The following BEND7 variants were observed in gnomAD, a reference collection of about 807,000 sequenced individuals.
BEND7 encodes the protein BEN domain containing 7.
Under a neutral mutation model 50.9 loss-of-function variants are expected in BEND7, and 28 were observed. The observed-to-expected ratio is 0.55, with a 90% CI of 0.41 to 0.75. BEND7 has a LOEUF of 0.75. BEND7 is among the 30% of genes least tolerant of loss of function. The pLI is 0.00. For missense variants in BEND7, 477 were observed against 491.3 expected (o/e 0.97, Z 0.28); for synonymous variants, 170 against 183.9 (o/e 0.92, Z 0.61).
chr10:13,453,686 A>C (rs1838302780), intron 6 of BEND7, among the ~76,000 whole-genome samples: 1 of 152,162 alleles, frequency 6.6e-6, no homozygotes, highest in Admixed American at 6.5e-5. Flanking sequence ...ATATTAGGAA[A>C]AATGTTCCAT....
chr10:13,514,397 G>A (rs73572311), intron 2 of BEND7, among the ~76,000 whole-genome samples: 3,663 of 152,300 alleles, frequency 0.024, 144 homozygotes, highest in African/African-American at 0.082. Flanking sequence ...GTGCAGCGGG[G>A]TGGCAAGCAG....
intron 5 of BEND7, among the ~76,000 whole-genome samples, chr10:13,489,643 T>A (rs1355415372): frequency 6.6e-6 from 1 of 152,150 alleles, no homozygotes; most frequent in Non-Finnish European, 1.5e-5. Flanking sequence ...TGTTTGTATA[T>A]TTACAAACTA....
At chr10:13,500,171 T>C in intron 2 of BEND7, 91 bp from the exon 3 acceptor site, 1 of 1,098,942 alleles carries the variant, frequency 9.1e-7, no homozygotes, top group Admixed American at 2.4e-5. Flanking sequence ...AAACAACCCT[T>C]CTTTGGAAAT....
chr10:13,519,168 A>T (rs533083368), intron 2 of BEND7, among the ~76,000 whole-genome samples: 1 of 151,640 alleles, frequency 6.6e-6, no homozygotes, highest in Admixed American at 6.6e-5. Context: ...TGCCCAAGTG[A>T]TCGGAAGAAT....
In BEND7 at chr10:13,441,717, CAA is replaced by C; in HGVS notation, c.*24_*25del. On this transcript the variant is annotated 3_prime_UTR_variant, in exon 9 of 9. Transcript: ENST00000466271. The stretch of plus-strand genomic sequence containing the variant: ...TTTAAAACCCATGGTGCAAAAAACA[CAA>C]GAGCTGTGGTTTGCAGTCCTTCATC... The C allele has an allele frequency of 6.2e-7, 1 of 1,613,692 alleles. No individual in the cohort carries two copies. The highest frequency in any genetic ancestry group is 8.5e-7 in the Non-Finnish European group (1 of 1,179,802).
intron 8 of BEND7, chr10:13,443,746 T>A (rs752945550): frequency 1.3e-5 from 2 of 152,142 alleles, no homozygotes; most frequent in African/African-American, 2.4e-5. Context: ...ATAATGCATA[T>A]GAAGATTTGC....
chr10:13,464,766 A>G (rs945346393), intron 6 of BEND7, among the ~76,000 whole-genome samples: 1 of 152,220 alleles, frequency 6.6e-6, no homozygotes, highest in Non-Finnish European at 1.5e-5. Context: ...CAGTCTGTGA[A>G]CAAATCAGAA....
chr10:13,520,565 A>G (rs1377932881), intron 2 of BEND7, among the ~76,000 whole-genome samples: 1 of 152,188 alleles, frequency 6.6e-6, no homozygotes, highest in Non-Finnish European at 1.5e-5. Flanking sequence ...TACTGAGATC[A>G]GCCCACGTGG....
chr10:13,468,760 G>A lies in BEND7; in HGVS notation c.1063+12139C>T, dbSNP rs143568752. Among the ~76,000 whole-genome samples the A allele has an allele frequency of 5.7e-4, 87 of 152,348 alleles. 2 individuals are homozygous for A. In the South Asian group the frequency reaches 0.01, roughly 18 times the overall value. ...AAGGAGTTGATAGGGCCAGGTAATT[G>A]AGCAGGGTGAGTTGCAAAGAAAAAA... is the stretch of plus-strand genomic sequence containing the variant. On this transcript the variant is annotated intron_variant, in intron 6 of 8. Coordinates refer to ENST00000466271, the MANE Select transcript of BEND7 (RefSeq NM_001369863.1).
intron 7 of BEND7, among the ~76,000 whole-genome samples, chr10:13,447,806 T>C (rs375296780): frequency 9.2e-5 from 14 of 152,342 alleles, no homozygotes; most frequent in African/African-American, 3.1e-4. Context: ...TAAAATCTTA[T>C]GAACCTCATT....
At chr10:13,489,410 G>C (rs946339277) in intron 5 of BEND7, among the ~76,000 whole-genome samples, 1 of 152,080 alleles carries the variant, frequency 6.6e-6, no homozygotes. Context: ...ATGGGCACCC[G>C]CAAGTCCTTT....
chr10:13,502,200 T>A (rs1324449622), intron 2 of BEND7, among the ~76,000 whole-genome samples: 1 of 152,184 alleles, frequency 6.6e-6, no homozygotes, highest in Admixed American at 6.5e-5. Flanking sequence ...ATGTGTTATG[T>A]TACTAAATAA....
chr10:13,494,843 A>G (rs2076923006), intron 4 of BEND7, among the ~76,000 whole-genome samples: 1 of 152,262 alleles, frequency 6.6e-6, no homozygotes, highest in African/African-American at 2.4e-5. Flanking sequence ...GAAACTTTCT[A>G]AATGTAATTT....
intron 6 of BEND7, among the ~76,000 whole-genome samples, chr10:13,453,062 G>A (rs566964686): frequency 1.7e-4 from 26 of 152,318 alleles, no homozygotes; most frequent in Non-Finnish European, 3.2e-4. Flanking sequence ...AAATTAACAC[G>A]AAAAGATGGT....
intron 4 of BEND7, among the ~76,000 whole-genome samples, chr10:13,494,669 G>A (rs2076913210): frequency 6.6e-6 from 1 of 152,206 alleles, no homozygotes; most frequent in Admixed American, 6.5e-5. Flanking sequence ...CCCAGGCCTT[G>A]CTAAGCCTCA....
intron 2 of BEND7, chr10:13,511,422 T>C (rs968414979): frequency 3.3e-5 from 5 of 152,218 alleles, no homozygotes; most frequent in Non-Finnish European, 7.3e-5. Context: ...AGAAGAATTA[T>C]TTACAAACTT....
At chr10:13,452,726 A>G (rs1045348713) in intron 6 of BEND7, 68 bp from the exon 7 acceptor site, 9 of 1,412,878 alleles carry the variant, frequency 6.4e-6, no homozygotes, top group Non-Finnish European at 6.7e-6. Context: ...AAACAGAAAT[A>G]TATTCTAAAA....
intron 2 of BEND7, among the ~76,000 whole-genome samples, chr10:13,521,653 C>T (rs1234323776): frequency 6.6e-6 from 1 of 152,150 alleles, no homozygotes; most frequent in Non-Finnish European, 1.5e-5. Flanking sequence ...TCCCCCTTGG[C>T]CCTTCATTTC....
intron 2 of BEND7, among the ~76,000 whole-genome samples, chr10:13,502,652 C>T (rs531074966): frequency 9.9e-5 from 15 of 152,264 alleles, no homozygotes; most frequent in Non-Finnish European, 1.6e-4. Context: ...CACATACGTT[C>T]CCGGCTAGTT....
Sources: gnomAD v4.1 joint callset for allele counts (sites outside exome capture counted in the v4.1 genomes callset) on GRCh38, gnomAD v4.1.1 for gene constraint, MANE v1.5 for transcripts, NCBI Gene and HGNC (gene_info 2026-07-23, HGNC 2026-07-21) for gene names.